Variants in GAPVD1 observed in about 807,000 individuals in gnomAD.
The protein encoded by GAPVD1 is GTPase-activating protein and VPS9 domain-containing protein 1.
Under a neutral mutation model 155.5 loss-of-function variants are expected in GAPVD1, and 35 were observed. The observed-to-expected ratio is 0.23, with a 90% CI of 0.17 to 0.30. GAPVD1 has a LOEUF of 0.30. GAPVD1 is among the 10% of genes least tolerant of loss of function. The pLI, the probability that GAPVD1 is intolerant of heterozygous loss-of-function variation, is 1.00. For synonymous variants in GAPVD1, 636 were observed against 619.7 expected, an observed-to-expected ratio of 1.03 and a Z score of -0.39; for missense variants, 1,429 against 1,775.7, an observed-to-expected ratio of 0.80 and a Z score of 3.51.
intron 25 of GAPVD1, among the ~76,000 whole-genome samples, chr9:125,358,798 A>G (rs1399935280): frequency 6.6e-6 from 1 of 152,188 alleles, no homozygotes; most frequent in Admixed American, 6.5e-5. Flanking sequence ...AACCATATAG[A>G]CTACAAACAG....
At chr9:125,361,153 G>C (rs1323157904) in intron 27 of GAPVD1, among the ~76,000 whole-genome samples, 1 of 152,084 alleles carries the variant, frequency 6.6e-6, no homozygotes, top group Non-Finnish European at 1.5e-5. Context: ...ATAGACATGA[G>C]CCACCGCGCC....
At chr9:125,282,382 C>T (rs892781582) in intron 2 of GAPVD1, among the ~76,000 whole-genome samples, 1 of 152,192 alleles carries the variant, frequency 6.6e-6, no homozygotes, top group Non-Finnish European at 1.5e-5. Flanking sequence ...AGCAATCCAC[C>T]TGCCTTGGCG....
chr9:125,294,115 T>C (rs542693944), intron 2 of GAPVD1, among the ~76,000 whole-genome samples: 1 of 151,278 alleles, frequency 6.6e-6, no homozygotes, highest in African/African-American at 2.4e-5. Context: ...GGTTTCACCA[T>C]GTTGGTGATC....
chr9:125,293,884 A>T (rs1456407552), intron 2 of GAPVD1, among the ~76,000 whole-genome samples: 676 of 22,656 alleles, frequency 0.03, 48 homozygotes, highest in African/African-American at 0.081. Context: ...ATATATATAT[A>T]TATATATATA....
intron 9 of GAPVD1, among the ~76,000 whole-genome samples, chr9:125,318,733 A>G (rs1365257906): frequency 6.6e-6 from 1 of 151,806 alleles, no homozygotes; most frequent in African/African-American, 2.4e-5. Flanking sequence ...CCTGGGCAAC[A>G]TAGTAAGACC....
rs895773257 is a variant in GAPVD1, at chr9:125,367,149, A to T, written c.*4403A>T. The T allele has an allele frequency of 1.3e-5, 2 of 152,238 alleles. No individual in the cohort carries two copies. Among genetic ancestry groups the T allele is most frequent in the African/African-American group, 4.8e-5 (2 of 41,466 alleles). 9.4% of individuals were successfully genotyped at this position (152,238 alleles called of 1,614,324 possible). A position where few individuals can be genotyped will look rare whatever the true frequency, so the allele number is the denominator to read the frequency against. On this transcript the variant is annotated 3_prime_UTR_variant, in exon 28 of 28. Coordinates refer to ENST00000297933, the MANE Select transcript of GAPVD1 (RefSeq NM_001282680.3). ...ACCCCTCCTGTCTCCTAATGTGATTAGTACTGTAAAATATTCTATAAAACT... is the reference window on the plus strand; with the variant it reads ...ACCCCTCCTGTCTCCTAATGTGATTTGTACTGTAAAATATTCTATAAAACT...
chr9:125,310,463 A>C, intron 8 of GAPVD1, among the ~76,000 whole-genome samples: 1 of 151,886 alleles, frequency 6.6e-6, no homozygotes, highest in East Asian at 1.9e-4. Context: ...GTACCAAAAC[A>C]TAATTTCTAT....
chr9:125,287,827 G>A (rs1456103604), intron 2 of GAPVD1: 5 of 150,298 alleles, frequency 3.3e-5, no homozygotes, highest in African/African-American at 1.2e-4. Context: ...TGCAACCTCT[G>A]CCTCCCAGGT....
At chr9:125,351,130 A>G (rs1192776762) in intron 23 of GAPVD1, among the ~76,000 whole-genome samples, 1 of 152,238 alleles carries the variant, frequency 6.6e-6, no homozygotes, top group Non-Finnish European at 1.5e-5. Flanking sequence ...GCGGAAGGTG[A>G]AAGGCACATC....
chr9:125,350,855 G>T lies in GAPVD1; in HGVS notation c.3552G>T (p.Ser1184=), dbSNP rs181809764. 5.6e-6 allele frequency: 9 copies of T among 1,613,336 alleles called. No homozygotes were observed. The highest frequency in any genetic ancestry group is 3.3e-5 in the South Asian group (3 of 90,860). The change falls in exon 23 of 28, where the codon TCG becomes TCT. Residue 1184 remains serine (S), a synonymous_variant. Transcript: ENST00000297933. ...GGACTTGTAGGAAACTGCTGGCTTC[G>T]ATTGCTGAGGACTACAGGTAATATA... The part of the protein sequence containing the change: ...DNRTCRKLLA[S]IAEDYRKRAP...
chr9:125,355,779 C>A lies in GAPVD1; in HGVS notation c.3893C>A (p.Ala1298Asp). The A allele has an allele frequency of 6.2e-7, 1 of 1,612,736 alleles. No homozygotes were observed. Among genetic ancestry groups the A allele is most frequent in the Non-Finnish European group, 8.5e-7 (1 of 1,178,788 alleles). Residue 1298 changes from alanine (A) to aspartate (D), a missense_variant, in exon 25 of 28, where the codon GCC (alanine) becomes GAC (aspartate). Physicochemically the swap from Ala to Asp is moderately radical, Grantham distance 126. Transcript: ENST00000297933. Reference sequence around the variant, plus strand: ...GAACAGCTTCAAGATGCACAGCTGGCCATTGAGCGAAGCGTGATGAACCGG... The same window carrying A: ...GAACAGCTTCAAGATGCACAGCTGGACATTGAGCGAAGCGTGATGAACCGG... ...SEEQLQDAQLAIERSVMNRIF... is the reference protein window; with the variant it reads ...SEEQLQDAQLDIERSVMNRIF...
At chr9:125,336,985 T>C (rs772730907) in intron 15 of GAPVD1, 33 bp from the exon 16 acceptor site, 10 of 1,274,192 alleles carry the variant, frequency 7.8e-6, no homozygotes. Flanking sequence ...TCCTGCGTCC[T>C]GGCTTGGTCT....
intron 15 of GAPVD1, among the ~76,000 whole-genome samples, chr9:125,336,199 A>G (rs1846926640): frequency 6.6e-6 from 1 of 151,542 alleles, no homozygotes; most frequent in Non-Finnish European, 1.5e-5. Context: ...GTTTTAGTCC[A>G]TCTTTTATAA....
At chr9:125,313,740 T>TA (rs1319054573) in intron 9 of GAPVD1, among the ~76,000 whole-genome samples, 1 of 152,230 alleles carries the variant, frequency 6.6e-6, no homozygotes, top group East Asian at 1.9e-4. Flanking sequence ...TTGCTGGTCT[T>TA]ACAGGCATGT....
intron 14 of GAPVD1, 96 bp from the exon 15 acceptor site, chr9:125,332,414 A>G: frequency 9.9e-7 from 1 of 1,008,134 alleles, no homozygotes; most frequent in East Asian, 2.4e-5. Context: ...TGGGACACAA[A>G]ATTCGAGAAT....
Position 125,363,046 on chromosome 9 carries a change from C to G in GAPVD1, c.*300C>G, listed in dbSNP as rs183214925. ...AGTATAAAAAACAAAACAAAAATCT[C>G]TTAGGAAATGTCTAGACCTCCATTC... is the stretch of plus-strand genomic sequence containing the variant. On this transcript the variant is annotated 3_prime_UTR_variant, in exon 28 of 28. Coordinates refer to ENST00000297933, the MANE Select transcript of GAPVD1 (RefSeq NM_001282680.3). The G allele has an allele frequency of 1.2e-3, 203 of 170,088 alleles. No individual in the cohort carries two copies. The highest frequency in any genetic ancestry group is 2.0e-3 in the Non-Finnish European group (161 of 79,546). The allele number at this position is 170,088 out of a possible 1,614,324, so 10.5% of individuals were successfully genotyped here.
rs1849814489 is a variant in GAPVD1 at position 125,354,769 on chromosome 9, C to T, written c.3685C>T (p.Arg1229Ter). Residue 1229 changes from arginine to a stop codon, truncating the protein, a stop_gained, in exon 24 of 28, where the codon CGA (arginine) becomes TGA (stop). Transcript: ENST00000297933. LOFTEE classifies it high-confidence loss of function. ...TTTGCGGGACAAAGAAGTGGCCAAT[C>T]GATACTTTACCACTGTCTGTGTGAG... Reference protein sequence around the residue: ...RVLRDKEVANRYFTTVCVRLL... With the variant: ...RVLRDKEVAN 6.2e-7 allele frequency: 1 copy of T among 1,613,482 alleles called. No homozygotes were observed. The highest frequency in any genetic ancestry group is 8.5e-7 in the Non-Finnish European group (1 of 1,179,434).
intron 2 of GAPVD1, among the ~76,000 whole-genome samples, chr9:125,279,470 C>T (rs1836366415): frequency 6.6e-6 from 1 of 150,648 alleles, no homozygotes; most frequent in Non-Finnish European, 1.5e-5. Flanking sequence ...ACTATGGAGG[C>T]TGAGACAGGA....
Position 125,332,062 on chromosome 9 carries a change from T to C in GAPVD1, c.2308+2T>C. On this transcript the variant is annotated splice_donor_variant, in intron 14 of 27. Transcript: ENST00000297933. LOFTEE classifies it high-confidence loss of function. ...CACCAGGCCTCAGTGTTGTGTCCGG[T>C]ATGTCTGTCTTGTTTTAAGGAGTAG... The C allele has an allele frequency of 6.2e-7, 1 of 1,613,960 alleles. No individual in the cohort carries two copies. Among genetic ancestry groups the C allele is most frequent in the Non-Finnish European group, 8.5e-7 (1 of 1,179,882 alleles).
Sources: gnomAD v4.1 joint callset for allele counts (sites outside exome capture counted in the v4.1 genomes callset) on GRCh38, gnomAD v4.1.1 for gene constraint, MANE v1.5 for transcripts, NCBI Gene and HGNC (gene_info 2026-07-23, HGNC 2026-07-21) for gene names.